MGLL: variants seen among roughly 807,000 people sequenced by gnomAD.
MGLL encodes the protein lysophospholipase homolog.
A neutral mutation model predicts 29.1 loss-of-function variants in MGLL; 7 were observed. The observed-to-expected ratio is 0.24, with a 90% CI of 0.14 to 0.45. The LOEUF (loss-of-function observed/expected upper bound fraction) is 0.45. Ranked by LOEUF, MGLL falls within the 20% of genes least tolerant of loss-of-function variation. MGLL has a pLI of 0.99. For missense variants in MGLL, 356 were observed against 413.6 expected, an observed-to-expected ratio of 0.86 and a Z score of 1.21; for synonymous variants, 148 against 168.3, an observed-to-expected ratio of 0.88 and a Z score of 0.93.
At chr3:127,738,721 G>T (rs2076286886) in intron 3 of MGLL, among the ~76,000 whole-genome samples, 1 of 152,228 alleles carries the variant, frequency 6.6e-6, no homozygotes, top group Non-Finnish European at 1.5e-5. Flanking sequence ...GCACTCCTGA[G>T]TACCAAGCGG....
rs748010731 is a variant in MGLL at position 127,822,315 on chromosome 3, C to T, written c.4G>A (p.Glu2Lys). Residue 2 changes from glutamate to lysine, a missense_variant, in exon 1 of 8, where the codon GAA becomes AAA. Physicochemically the swap from Glu to Lys is moderately conservative, Grantham distance 56 (BLOSUM62 1). Transcript: ENST00000265052. The part of the protein sequence containing the change: M[E>K]TGPEDPSSMP... ...CCAAGGATACATGACAAACCTGTTT[C>T]CATTATGTGCTGGCGTTTGCATTCC... 1 of 1,613,594 alleles carries T rather than the reference C, an allele frequency of 6.2e-7. No homozygotes were observed.
chr3:127,699,481 C>G (rs1026677381), intron 6 of MGLL, among the ~76,000 whole-genome samples: 1 of 152,194 alleles, frequency 6.6e-6, no homozygotes, highest in African/African-American at 2.4e-5. Flanking sequence ...CTCGCACTTG[C>G]TCATTTAATC....
At chr3:127,785,203 C>T (rs2077192559) in intron 2 of MGLL, among the ~76,000 whole-genome samples, 1 of 152,170 alleles carries the variant, frequency 6.6e-6, no homozygotes, top group East Asian at 1.9e-4. Flanking sequence ...CCTCCTTCCC[C>T]ACACACCTGC....
chr3:127,787,275 A>G (rs1402488022), intron 2 of MGLL, among the ~76,000 whole-genome samples: 1 of 152,196 alleles, frequency 6.6e-6, no homozygotes, highest in African/African-American at 2.4e-5. Flanking sequence ...CCTCCACTGA[A>G]GGGGCCGGCC....
chr3:127,798,923 G>A (rs1021265949), intron 2 of MGLL, among the ~76,000 whole-genome samples: 3 of 152,160 alleles, frequency 2.0e-5, no homozygotes, highest in Non-Finnish European at 2.9e-5. Flanking sequence ...GAGAGCACCC[G>A]AGGGAAGCTG....
chr3:127,759,513 C>A (rs1559951114), intron 3 of MGLL, among the ~76,000 whole-genome samples: 1 of 152,224 alleles, frequency 6.6e-6, no homozygotes, highest in Admixed American at 6.5e-5. Flanking sequence ...TCTGTGTTCA[C>A]CTGCGGCCAT....
chr3:127,772,855 C>T (rs2076972565), intron 3 of MGLL, among the ~76,000 whole-genome samples: 2 of 152,164 alleles, frequency 1.3e-5, no homozygotes, highest in African/African-American at 4.8e-5. Flanking sequence ...CTCTCTAGCC[C>T]TCTTCCCACC....
chr3:127,730,894 G>A (rs2076138806), intron 3 of MGLL, among the ~76,000 whole-genome samples: 1 of 152,198 alleles, frequency 6.6e-6, no homozygotes, highest in Admixed American at 6.5e-5. Flanking sequence ...CACCGTGCAT[G>A]TGCCCATGTC....
In MGLL at chr3:127,785,564, G is replaced by A. The variant is rs115400389; in HGVS notation, c.156-3669C>T. On this transcript the variant is annotated intron_variant, in intron 2 of 7. Coordinates refer to ENST00000265052, the MANE Select transcript of MGLL (RefSeq NM_007283.7). The stretch of plus-strand genomic sequence containing the variant: ...CCCAGTTGCTGGGAGGCTGTGAACA[G>A]AGAGCAAAGTTCAGCCAGAACAACC... 3.4e-3 allele frequency among the ~76,000 whole-genome samples: 525 copies of A among 152,378 alleles called. 5 individuals are homozygous for A. Among genetic ancestry groups the A allele is most frequent in the African/African-American group, 0.012 (509 of 41,600 alleles).
chr3:127,694,915 G>A (rs1246437665), intron 7 of MGLL, 60 bp downstream of exon 7: 4 of 1,556,424 alleles, frequency 2.6e-6, no homozygotes, highest in Non-Finnish European at 3.5e-6. Flanking sequence ...GCCCCAAGGG[G>A]TGCTGCCTTC....
chr3:127,745,501 A>G (rs1243704078), intron 3 of MGLL, among the ~76,000 whole-genome samples: 8 of 152,212 alleles, frequency 5.3e-5, no homozygotes, highest in Admixed American at 3.3e-4. Flanking sequence ...AATAATGTGC[A>G]CACATGGACA....
chr3:127,728,159 A>G (rs2076081230), intron 3 of MGLL, among the ~76,000 whole-genome samples: 1 of 152,218 alleles, frequency 6.6e-6, no homozygotes, highest in Non-Finnish European at 1.5e-5. Flanking sequence ...ACAGTCAGAA[A>G]TATATTAAAA....
intron 2 of MGLL, among the ~76,000 whole-genome samples, chr3:127,794,834 C>A (rs534311488): frequency 6.0e-4 from 91 of 152,210 alleles, no homozygotes; most frequent in Non-Finnish European, 1.1e-3. Flanking sequence ...CAGGATACCC[C>A]CCTCCTTTGG....
intron 3 of MGLL, among the ~76,000 whole-genome samples, chr3:127,740,989 T>C (rs1314442791): frequency 6.6e-6 from 1 of 152,010 alleles, no homozygotes; most frequent in African/African-American, 2.4e-5. Flanking sequence ...GCAGGGAAAA[T>C]GCTGCTCCCC....
At chr3:127,758,764 T>C (rs1376875984) in intron 3 of MGLL, among the ~76,000 whole-genome samples, 2 of 152,206 alleles carry the variant, frequency 1.3e-5, no homozygotes, top group Non-Finnish European at 2.9e-5. Flanking sequence ...GGGTCGATTT[T>C]TCATATCATG....
intron 2 of MGLL, among the ~76,000 whole-genome samples, chr3:127,806,240 G>A (rs368045308): frequency 3.3e-5 from 5 of 152,328 alleles, no homozygotes; most frequent in South Asian, 4.1e-4. Context: ...CCTGCCTGCC[G>A]TTCTCCTTGG....
intron 2 of MGLL, among the ~76,000 whole-genome samples, chr3:127,783,143 C>CA (rs72041528): frequency 0.8 from 51,185 of 64,374 alleles, 21,017 homozygotes; most frequent in East Asian, 0.88. Flanking sequence ...GACTCTGTCT[C>CA]AAAAAAAAAA....
At chr3:127,694,304 T>A (rs2075308701) in intron 7 of MGLL, among the ~76,000 whole-genome samples, 3 of 129,132 alleles carry the variant, frequency 2.3e-5, no homozygotes, top group East Asian at 2.3e-4. Flanking sequence ...TATATATATA[T>A]ATATGTATGT....
At chr3:127,719,846 A>G (rs1449062932) in intron 5 of MGLL, among the ~76,000 whole-genome samples, 1 of 152,222 alleles carries the variant, frequency 6.6e-6, no homozygotes, top group East Asian at 1.9e-4. Context: ...AAACTGGAGT[A>G]AAATTCAAAG....
Sources: gnomAD v4.1 joint callset for allele counts (sites outside exome capture counted in the v4.1 genomes callset) on GRCh38, gnomAD v4.1.1 for gene constraint, MANE v1.5 for transcripts, NCBI Gene and HGNC (gene_info 2026-07-23, HGNC 2026-07-21) for gene names.